The following MITF variants were observed in gnomAD, a reference collection of about 807,000 sequenced individuals.
MITF encodes melanocyte inducing transcription factor, also known as microphthalmia-associated transcription factor.
Under a neutral mutation model 60.5 loss-of-function variants are expected in MITF, and 17 were observed. That is an observed-to-expected ratio of 0.28 (90% CI 0.19 to 0.42). The LOEUF (loss-of-function observed/expected upper bound fraction) is 0.42. MITF is among the 10% of genes least tolerant of loss of function. MITF has a pLI of 1.00. For missense variants in MITF, 622 were observed against 683.5 expected (o/e 0.91, Z 1.00); for synonymous variants, 260 against 248.5 (o/e 1.05, Z -0.43).
At chr3:69,953,581 A>G (rs1164303049) in intron 7 of MITF, among the ~76,000 whole-genome samples, 2 of 148,724 alleles carry the variant, frequency 1.3e-5, no homozygotes, top group Non-Finnish European at 3.0e-5. Context: ...GTATGTGTGT[A>G]TGTGTGTATA....
chr3:69,783,526 G>T (rs1386142474), intron 1 of MITF, among the ~76,000 whole-genome samples: 1 of 149,880 alleles, frequency 6.7e-6, no homozygotes, highest in African/African-American at 2.4e-5. Context: ...TAATAAAGGA[G>T]ATTATTTCTC....
Position 69,748,028 on chromosome 3 carries a change from C to T in MITF, c.104+8327C>T, listed in dbSNP as rs548209763. Among the ~76,000 whole-genome samples, 130 of 152,278 alleles carry T rather than the reference C, an allele frequency of 8.5e-4. 1 individual carries two copies. The highest frequency in any genetic ancestry group is 3.0e-3 in the African/African-American group (123 of 41,572). ...CCTGTGTTTCTGTCCTGAGATCATGCTTCCTGTCCACTCTGTTGTGAAAAT... is the reference window on the plus strand; with the variant it reads ...CCTGTGTTTCTGTCCTGAGATCATGTTTCCTGTCCACTCTGTTGTGAAAAT... On this transcript the variant is annotated intron_variant, in intron 1 of 9. Transcript: ENST00000352241.
chr3:69,933,668 G>C (rs933793227), intron 2 of MITF, among the ~76,000 whole-genome samples: 4 of 152,054 alleles, frequency 2.6e-5, no homozygotes, highest in African/African-American at 9.7e-5. Context: ...TTATGATAAA[G>C]TATTCTAGCT....
chr3:69,961,324 G>A (rs1349563481), intron 9 of MITF, among the ~76,000 whole-genome samples: 1 of 151,584 alleles, frequency 6.6e-6, no homozygotes, highest in Non-Finnish European at 1.5e-5. Context: ...AGAGGTTGCA[G>A]TGAGCCAAGA....
chr3:69,800,183 C>T lies in MITF; in HGVS notation c.104+60482C>T, dbSNP rs548182702. On this transcript the variant is annotated intron_variant, in intron 1 of 9. Transcript: ENST00000352241. ...TCATGGATTTGCCTACTGGACATTT[C>T]ATATAAATGGGATTATACATTATGT... is the stretch of plus-strand genomic sequence containing the variant. Among the ~76,000 whole-genome samples, 451 of 152,310 alleles carry T rather than the reference C, an allele frequency of 3.0e-3. 3 individuals carry two copies. The highest frequency in any genetic ancestry group is 8.8e-3 in the African/African-American group (367 of 41,580).
intron 1 of MITF, among the ~76,000 whole-genome samples, chr3:69,777,787 G>A (rs1037594947): frequency 3.9e-5 from 6 of 152,144 alleles, no homozygotes; most frequent in Non-Finnish European, 5.9e-5. Flanking sequence ...GTTGGAAGGC[G>A]GGAACCTGGA....
intron 1 of MITF, among the ~76,000 whole-genome samples, chr3:69,860,013 A>T (rs78344028): frequency 6.6e-6 from 1 of 152,242 alleles, no homozygotes; most frequent in East Asian, 1.9e-4. Context: ...TAAATTTCTC[A>T]TTTAAAAATA....
At chr3:69,851,988 C>T (rs927003128) in intron 1 of MITF, among the ~76,000 whole-genome samples, 1 of 151,982 alleles carries the variant, frequency 6.6e-6, no homozygotes. Context: ...AAATACTGAT[C>T]CATGCACTCA....
chr3:69,749,176 T>C (rs1013769485), intron 1 of MITF, among the ~76,000 whole-genome samples: 6 of 152,226 alleles, frequency 3.9e-5, no homozygotes, highest in African/African-American at 1.4e-4. Flanking sequence ...CATTGAGATG[T>C]AGCCACACTG....
At chr3:69,855,913 C>G (rs1009322249) in intron 1 of MITF, among the ~76,000 whole-genome samples, 6 of 152,084 alleles carry the variant, frequency 3.9e-5, no homozygotes, top group Admixed American at 6.6e-5. Context: ...TTTACAGGCA[C>G]TATCAACAAA....
intron 1 of MITF, among the ~76,000 whole-genome samples, chr3:69,849,482 A>G (rs193038130): frequency 6.6e-6 from 1 of 152,332 alleles, no homozygotes; most frequent in Non-Finnish European, 1.5e-5. Context: ...GGTTCTGTGC[A>G]AAGTACATGC....
intron 1 of MITF, among the ~76,000 whole-genome samples, chr3:69,801,594 T>A (rs1459152001): frequency 2.6e-5 from 4 of 152,212 alleles, no homozygotes; most frequent in Non-Finnish European, 5.9e-5. Context: ...TCATTAATTA[T>A]AAGGTTGGAA....
chr3:69,927,932 A>T (rs1341663062), intron 2 of MITF, among the ~76,000 whole-genome samples: 4 of 152,216 alleles, frequency 2.6e-5, no homozygotes, highest in Non-Finnish European at 4.4e-5. Flanking sequence ...CAATTTTTTT[A>T]TTAGAAATTA....
chr3:69,839,807 C>T (rs777945617), intron 1 of MITF, among the ~76,000 whole-genome samples: 1 of 151,874 alleles, frequency 6.6e-6, no homozygotes, highest in Non-Finnish European at 1.5e-5. Flanking sequence ...AAAACGTTCA[C>T]ATTAGGACCT....
chr3:69,781,644 A>G (rs2062566040), intron 1 of MITF, among the ~76,000 whole-genome samples: 1 of 152,166 alleles, frequency 6.6e-6, no homozygotes, highest in African/African-American at 2.4e-5. Flanking sequence ...AATTCTCATT[A>G]GATTTTGACA....
chr3:69,765,791 G>T (rs1301703217), intron 1 of MITF, among the ~76,000 whole-genome samples: 1 of 152,158 alleles, frequency 6.6e-6, no homozygotes, highest in Non-Finnish European at 1.5e-5. Context: ...TGATTATTCA[G>T]TCTCGGGAAA....
At chr3:69,879,606 TC>T (rs2064436910) in intron 2 of MITF, among the ~76,000 whole-genome samples, 1 of 152,224 alleles carries the variant, frequency 6.6e-6, no homozygotes, top group African/African-American at 2.4e-5. Flanking sequence ...GAGTCAATGT[TC>T]CATGAGAAAT....
At chr3:69,758,754 G>T (rs4855323) in intron 1 of MITF, 42,076 of 207,056 alleles carry the variant, frequency 0.2, 5,307 homozygotes, top group East Asian at 0.5. Flanking sequence ...TGTGCTAGAA[G>T]GGGTCAGTAA....
At chr3:69,887,047 C>T (rs1050366673) in intron 2 of MITF, among the ~76,000 whole-genome samples, 17 of 152,018 alleles carry the variant, frequency 1.1e-4, no homozygotes, top group Non-Finnish European at 2.5e-4. Flanking sequence ...TTTTTCCTTT[C>T]CCATGCACCT....
Sources: gnomAD v4.1 joint callset for allele counts (sites outside exome capture counted in the v4.1 genomes callset) on GRCh38, gnomAD v4.1.1 for gene constraint, MANE v1.5 for transcripts, NCBI Gene and HGNC (gene_info 2026-07-23, HGNC 2026-07-21) for gene names.